Variants in TRIM2 observed in about 807,000 individuals in gnomAD.
The protein encoded by TRIM2 is tripartite motif containing 2, also known as tripartite motif-containing protein 2.
A neutral mutation model predicts 75.2 loss-of-function variants in TRIM2; 20 were observed. That is an observed-to-expected ratio of 0.27 (90% CI 0.19 to 0.39). TRIM2 has a LOEUF of 0.39. Ranked by LOEUF, TRIM2 falls within the 10% of genes least tolerant of loss-of-function variation. The pLI, the probability that TRIM2 is intolerant of heterozygous loss-of-function variation, is 1.00. For synonymous variants in TRIM2, 373 were observed against 388.3 expected (o/e 0.96, Z 0.46); for missense variants, 660 against 990.8 (o/e 0.67, Z 4.48).
chr4:153,283,744 C>T (rs187230008), intron 3 of TRIM2, among the ~76,000 whole-genome samples: 178 of 150,876 alleles, frequency 1.2e-3, no homozygotes, highest in African/African-American at 4.3e-3. Flanking sequence ...TCAAGCAATT[C>T]CCTTGCCTCA....
rs914568220 is a variant in TRIM2, at chr4:153,276,298, C to A, written c.453+168C>A. ...AGACTACCTGCTCACTTTCTTTGAC[C>A]AGAACTATTTAAATAACGAAATCAA... On this transcript the variant is annotated intron_variant, in intron 3 of 11. Coordinates refer to ENST00000338700, the MANE Select transcript of TRIM2 (RefSeq NM_015271.5). The A allele has an allele frequency of 2.7e-5, 17 of 620,404 alleles. No homozygotes were observed. The African/African-American group carries it at 2.8e-4, about 10-fold the overall frequency. 38.4% of individuals were successfully genotyped at this position (620,404 alleles called of 1,614,324 possible).
In TRIM2 at chr4:153,204,554, A is replaced by C; in HGVS notation, c.24A>C (p.Gly8=). 1 of 1,551,706 alleles carries C rather than the reference A, an allele frequency of 6.4e-7. No individual in the cohort carries two copies. Among genetic ancestry groups the C allele is most frequent in the Non-Finnish European group, 8.7e-7 (1 of 1,146,990 alleles). The stretch of plus-strand genomic sequence containing the variant: ...CGATGCACAGGAGTGGCCGTTATGG[A>C]ACGCAGGTAAGGACGCTTCTCAATG... MHRSGRY[G]TQQQRAGSKT... Residue 8 remains glycine (G), a synonymous_variant, in exon 1 of 12, where the codon GGA becomes GGC. Coordinates refer to ENST00000338700, the MANE Select transcript of TRIM2 (RefSeq NM_015271.5).
chr4:153,201,082 A>G (rs1304003131), upstream of TRIM2, among the ~76,000 whole-genome samples: 4 of 151,444 alleles, frequency 2.6e-5, no homozygotes, highest in East Asian at 7.8e-4. Flanking sequence ...TCCTTCCTCA[A>G]CCTACCGAGT....
chr4:153,180,888 A>G (rs761996264), intron 1 of TRIM2, among the ~76,000 whole-genome samples: 99 of 152,350 alleles, frequency 6.5e-4, no homozygotes, highest in Non-Finnish European at 1.3e-3. Context: ...TACTATAAAT[A>G]TCTATTAAGT....
intron 1 of TRIM2, among the ~76,000 whole-genome samples, chr4:153,262,160 C>A (rs982627794): frequency 1.3e-4 from 20 of 152,194 alleles, no homozygotes; most frequent in Admixed American, 4.6e-4. Flanking sequence ...TGCACAGATA[C>A]AGCCGATTTA....
intron 1 of TRIM2, among the ~76,000 whole-genome samples, chr4:153,186,170 A>G (rs1732576134): frequency 6.6e-6 from 1 of 152,158 alleles, no homozygotes; most frequent in Non-Finnish European, 1.5e-5. Context: ...CAACATCAGC[A>G]GTGCCCAGGC....
At chr4:153,173,438 T>A (rs775515935) in intron 1 of TRIM2, among the ~76,000 whole-genome samples, 2 of 149,888 alleles carry the variant, frequency 1.3e-5, no homozygotes, top group Non-Finnish European at 1.5e-5. Context: ...CCGAGGGGGG[T>A]GGATTACGAG....
rs1454254411 is a variant in TRIM2 at position 153,335,543 on chromosome 4, AGTTCAGAAC to A, written c.*578_*586del. ...CCAGCTCTGATTAGCAGCCCTCTGG[AGTTCAGAAC>A]TTAAGTATCAGTGCAAATTTCTCAA... On this transcript the variant is annotated 3_prime_UTR_variant, in exon 12 of 12. Transcript: ENST00000338700. 21 of 985,244 alleles carry A rather than the reference AGTTCAGAAC, an allele frequency of 2.1e-5. No homozygotes were observed. The African/African-American group carries it at 3.7e-4, about 17-fold the overall frequency. 61.0% of individuals were successfully genotyped at this position (985,244 alleles called of 1,614,324 possible).
intron 1 of TRIM2, among the ~76,000 whole-genome samples, chr4:153,265,309 G>GT (rs997698973): frequency 7.3e-5 from 11 of 149,858 alleles, no homozygotes; most frequent in Non-Finnish European, 8.9e-5. Flanking sequence ...CGACGGAAAA[G>GT]TTTTTTTTTG....
chr4:153,294,091 GATTGAA>G (rs1379304437), intron 4 of TRIM2, among the ~76,000 whole-genome samples: 1 of 151,652 alleles, frequency 6.6e-6, no homozygotes, highest in Admixed American at 6.6e-5. Flanking sequence ...ATTGATGGTA[GATTGAA>G]ATTGACAATT....
At chr4:153,168,123 ATT>A (rs75442475) in intron 1 of TRIM2, among the ~76,000 whole-genome samples, 24 of 149,780 alleles carry the variant, frequency 1.6e-4, no homozygotes, top group Non-Finnish European at 3.4e-4. Context: ...CTGTACAAGG[ATT>A]TTTTTTTTTG....
rs556330614 is a variant in TRIM2 at position 153,335,158 on chromosome 4, TA to T, written c.*200del. 5.7e-5 allele frequency: 73 copies of T among 1,271,914 alleles called. No homozygotes were observed. The African/African-American group carries it at 7.7e-4, about 13-fold the overall frequency. 78.8% of individuals were successfully genotyped at this position (1,271,914 alleles called of 1,614,324 possible). ...AATTTCTGTATTTCACCTTTAGGGT[TA>T]AAAAAAACTCTTCTACTGAATCTAT... On this transcript the variant is annotated 3_prime_UTR_variant, in exon 12 of 12. Transcript: ENST00000338700.
chr4:153,273,268 C>CTCTTT (rs1757183704), intron 2 of TRIM2, among the ~76,000 whole-genome samples: 1 of 94,508 alleles, frequency 1.1e-5, no homozygotes, highest in Non-Finnish European at 2.2e-5. Flanking sequence ...CTTACAGTCA[C>CTCTTT]TCTTTTTTTT....
At chr4:153,245,959 A>T (rs1403020786) in intron 1 of TRIM2, among the ~76,000 whole-genome samples, 3 of 152,202 alleles carry the variant, frequency 2.0e-5, no homozygotes, top group Non-Finnish European at 4.4e-5. Context: ...GATTACAGGC[A>T]TGAGGCACCA....
At chr4:153,286,601 G>A (rs1218157563) in intron 3 of TRIM2, among the ~76,000 whole-genome samples, 1 of 152,036 alleles carries the variant, frequency 6.6e-6, no homozygotes, top group Non-Finnish European at 1.5e-5. Context: ...GTTATTCAAT[G>A]TGTTAGCATA....
At chr4:153,242,367 C>T (rs1349382441) in intron 1 of TRIM2, among the ~76,000 whole-genome samples, 2 of 151,476 alleles carry the variant, frequency 1.3e-5, no homozygotes, top group Non-Finnish European at 2.9e-5. Flanking sequence ...CTCTGTGAAT[C>T]CCCCTCTAAC....
intron 1 of TRIM2, 76 bp from the exon 2 acceptor site, chr4:153,270,259 A>T (rs1257450159): frequency 2.0e-6 from 3 of 1,512,018 alleles, no homozygotes; most frequent in Non-Finnish European, 2.7e-6. Flanking sequence ...CACAATGCTT[A>T]TGGTGAAAGA....
At chr4:153,309,044 T>C (rs543016004) in intron 6 of TRIM2, among the ~76,000 whole-genome samples, 2 of 152,212 alleles carry the variant, frequency 1.3e-5, no homozygotes, top group African/African-American at 4.8e-5. Flanking sequence ...TGCTGTGTTA[T>C]AGGGTGCAAT....
At chr4:153,186,429 T>C (rs1732602423) in intron 1 of TRIM2, among the ~76,000 whole-genome samples, 1 of 152,194 alleles carries the variant, frequency 6.6e-6, no homozygotes, top group East Asian at 1.9e-4. Context: ...TTTAAGAGAC[T>C]TTCTAGGAAA....
Sources: gnomAD v4.1 joint callset for allele counts (sites outside exome capture counted in the v4.1 genomes callset) on GRCh38, gnomAD v4.1.1 for gene constraint, MANE v1.5 for transcripts, NCBI Gene and HGNC (gene_info 2026-07-23, HGNC 2026-07-21) for gene names.